Variants in PRRG1 observed in about 807,000 individuals in gnomAD.
The protein encoded by PRRG1 is proline rich and Gla domain 1.
In PRRG1, 5 loss-of-function variants were observed where a neutral mutation model predicts 11.8. That is an observed-to-expected ratio of 0.42 (90% CI 0.22 to 0.89). The LOEUF (loss-of-function observed/expected upper bound fraction) is 0.89, where lower values mean the gene tolerates loss of function less well. Ranked by LOEUF, PRRG1 falls within the 40% of genes least tolerant of loss-of-function variation. The probability of loss-of-function intolerance (pLI) is 0.28; values close to 1 mark genes in which losing one functional copy is unlikely to be tolerated. For synonymous variants in PRRG1, 66 were observed against 60.4 expected, an observed-to-expected ratio of 1.09 and a Z score of -0.43; for missense variants, 155 against 166.1, an observed-to-expected ratio of 0.93 and a Z score of 0.37.
chrX:37,435,059 T>C (rs1480159351), intron 3 of PRRG1, among the ~76,000 whole-genome samples: 1 of 111,482 alleles, frequency 9.0e-6, no homozygotes, highest in African/African-American at 3.3e-5. Flanking sequence ...TTCCATTCTA[T>C]AGTGAAATAA....
intron 1 of PRRG1, among the ~76,000 whole-genome samples, chrX:37,402,590 A>T (rs1182375347): frequency 8.9e-6 from 1 of 111,946 alleles, no homozygotes; most frequent in Non-Finnish European, 1.9e-5. Context: ...CTTCATGTCT[A>T]AAACACCAAA....
At chrX:37,389,969 G>C (rs782643782) in intron 1 of PRRG1, among the ~76,000 whole-genome samples, 83 of 112,159 alleles carry the variant, frequency 7.4e-4, no homozygotes, top group African/African-American at 1.9e-3. Context: ...AAAACAACCT[G>C]TCTTAGTTGA....
chrX:37,441,444 C>T lies in PRRG1; in HGVS notation c.172-11692C>T, dbSNP rs1434646272. ...AAATACCCACTTCCGGCCCTTTCCG[C>T]CATTAGCCATCCGCCTTCAGCCAGC... On this transcript the variant is annotated intron_variant, in intron 3 of 3. Coordinates refer to ENST00000378628, the MANE Select transcript of PRRG1 (RefSeq NM_001142395.2). 1.3e-5 allele frequency: 10 copies of T among 753,383 alleles called. No individual in the cohort carries two copies. The East Asian group carries it at 1.5e-3, about 114-fold the overall frequency. 62.1% of individuals were successfully genotyped at this position (753,383 alleles called of 1,213,427 possible).
rs150092283 is a variant in PRRG1, at chrX:37,350,696, C to T, written c.-42+1301C>T. ...ACTCATTTGTTTTAAGTTAATACAA[C>T]AAAATAAACTGAACTTCCTCCTCTC... On this transcript the variant is annotated intron_variant, in intron 1 of 3. Transcript: ENST00000378628. Among the ~76,000 whole-genome samples, 694 of 111,380 alleles carry T rather than the reference C, an allele frequency of 6.2e-3. 7 individuals are homozygous for T. Among genetic ancestry groups the T allele is most frequent in the African/African-American group, 0.022 (662 of 30,573 alleles).
rs1556388221 is a variant in PRRG1, at chrX:37,425,822, A to G, written c.11-18A>G. ...TCAACTTGCCACATAGGTTTTTTAT[A>G]CTTATATTTCTTTTTAGTTTTCCTC... On this transcript the variant is annotated intron_variant, in intron 2 of 3. Coordinates refer to ENST00000378628, the MANE Select transcript of PRRG1 (RefSeq NM_001142395.2). 1 of 1,154,321 alleles carries G rather than the reference A, an allele frequency of 8.7e-7. No homozygotes were observed. Among genetic ancestry groups the G allele is most frequent in the East Asian group, 3.0e-5 (1 of 33,315 alleles).
chrX:37,414,419 G>A (rs180723546), intron 2 of PRRG1, among the ~76,000 whole-genome samples: 37 of 112,028 alleles, frequency 3.3e-4, no homozygotes, highest in African/African-American at 1.1e-3. Flanking sequence ...AGTAGCTGTG[G>A]CTTTGGGTAA....
At chrX:37,438,023 C>G (rs1932907221) in intron 3 of PRRG1, among the ~76,000 whole-genome samples, 1 of 109,739 alleles carries the variant, frequency 9.1e-6, no homozygotes, top group Non-Finnish European at 1.9e-5. Context: ...GCCTAGCCAA[C>G]ATGGTAAAAC....
chrX:37,440,360 G>A (rs782489123), intron 3 of PRRG1, among the ~76,000 whole-genome samples: 38 of 111,830 alleles, frequency 3.4e-4, no homozygotes, highest in Admixed American at 5.7e-4. Context: ...TAATTAGGCC[G>A]ATTTGGGAGG....
In PRRG1 at chrX:37,393,514, A is replaced by G. The variant is rs972555741; in HGVS notation, c.-41-12695A>G. ...TTAGGTAATAGGTTATTTTATGAAG[A>G]CAGAGGTATTGCTTAGTGGTTTCCC... On this transcript the variant is annotated intron_variant, in intron 1 of 3. Transcript: ENST00000378628. 2.7e-5 allele frequency among the ~76,000 whole-genome samples: 3 copies of G among 111,483 alleles called. No individual in the cohort carries two copies. In the East Asian group the frequency reaches 8.4e-4, roughly 31 times the overall value.
chrX:37,442,625 C>T (rs1556394200), intron 3 of PRRG1, among the ~76,000 whole-genome samples: 1 of 111,008 alleles, frequency 9.0e-6, no homozygotes, highest in Non-Finnish European at 1.9e-5. Flanking sequence ...TGGGATTGGG[C>T]AGGGATTAAA....
chrX:37,441,362 C>T (rs1251847766), intron 3 of PRRG1: 2 of 753,373 alleles, frequency 2.7e-6, no homozygotes, highest in African/African-American at 4.6e-5. Flanking sequence ...AGTACTCATT[C>T]TCCTCCCTGC....
At position 37,454,242 on chromosome X, in the gene PRRG1, CAA is replaced by C. The variant is rs1371572079; in HGVS notation, c.*622_*623del. 6 of 111,655 alleles carry C rather than the reference CAA, an allele frequency of 5.4e-5. No individual in the cohort carries two copies. The highest frequency in any genetic ancestry group is 1.9e-4 in the African/African-American group (6 of 30,771). The allele number at this position is 111,655 out of a possible 1,213,427, so 9.2% of individuals were successfully genotyped here. A position where few individuals can be genotyped will look rare whatever the true frequency, so the allele number is the denominator to read the frequency against. ...CTGATAACTTGCTTACAGCAGATAG[CAA>C]TAAGGTATTTGGTGGCATTCGGCTT... On this transcript the variant is annotated 3_prime_UTR_variant, in exon 4 of 4. Coordinates refer to ENST00000378628, the MANE Select transcript of PRRG1 (RefSeq NM_001142395.2).
intron 1 of PRRG1, among the ~76,000 whole-genome samples, chrX:37,393,290 A>C (rs1031161124): frequency 9.3e-5 from 10 of 106,974 alleles, no homozygotes; most frequent in Non-Finnish European, 1.7e-4. Context: ...TTATATAATT[A>C]TGTTAATGTA....
intron 1 of PRRG1, among the ~76,000 whole-genome samples, chrX:37,377,512 A>G (rs1415472370): frequency 8.9e-6 from 1 of 112,038 alleles, no homozygotes; most frequent in Non-Finnish European, 1.9e-5. Flanking sequence ...AAAATCCTCA[A>G]AATACAACTT....
At chrX:37,422,729 A>G (rs962193641) in intron 2 of PRRG1, among the ~76,000 whole-genome samples, 2 of 111,955 alleles carry the variant, frequency 1.8e-5, no homozygotes, top group Non-Finnish European at 3.8e-5. Flanking sequence ...CAGACTGCAT[A>G]TACAATGATG....
chrX:37,374,483 A>G (rs920753489), intron 1 of PRRG1, among the ~76,000 whole-genome samples: 5 of 111,287 alleles, frequency 4.5e-5, no homozygotes, highest in Non-Finnish European at 9.4e-5. Flanking sequence ...TATTACTTCA[A>G]ATATATTTTA....
intron 1 of PRRG1, among the ~76,000 whole-genome samples, chrX:37,374,948 AG>A (rs1434280169): frequency 2.7e-5 from 3 of 111,122 alleles, no homozygotes; most frequent in African/African-American, 9.8e-5. Context: ...CTTTAGTGTA[AG>A]GTTTTATGTT....
At chrX:37,394,653 GA>G (rs1931655970) in intron 1 of PRRG1, among the ~76,000 whole-genome samples, 1 of 111,373 alleles carries the variant, frequency 9.0e-6, no homozygotes, top group Non-Finnish European at 1.9e-5. Flanking sequence ...TTGAATCGCA[GA>G]GGATTACTGG....
chrX:37,444,054 A>G (rs1458201066), intron 3 of PRRG1, among the ~76,000 whole-genome samples: 2 of 112,327 alleles, frequency 1.8e-5, no homozygotes, highest in African/African-American at 6.5e-5. Flanking sequence ...GTAAAATATG[A>G]ACAAGTTTAG....
Sources: allele counts gnomAD v4.1 joint callset (sites outside exome capture counted in the v4.1 genomes callset), GRCh38; gene constraint gnomAD v4.1.1; transcripts MANE v1.5; gene names NCBI Gene and HGNC (gene_info 2026-07-23, HGNC 2026-07-21).